Variants in CARS2 observed in about 807,000 individuals in gnomAD.
CARS2 encodes cysteinyl-tRNA synthetase 2, mitochondrial.
Under a neutral mutation model 68.8 loss-of-function variants are expected in CARS2, and 52 were observed. The observed-to-expected ratio is 0.76, with a 90% CI of 0.61 to 0.95. CARS2 has a LOEUF of 0.95. Ranked by LOEUF, CARS2 falls within the 40% of genes least tolerant of loss-of-function variation. The pLI is 0.00. For synonymous variants in CARS2, 314 were observed against 303.6 expected (o/e 1.03, Z -0.36); for missense variants, 780 against 754.2 (o/e 1.03, Z -0.40).
At chr13:110,645,833 T>A (rs574946601) in intron 12 of CARS2, 134 bp downstream of exon 12, 6 of 1,192,002 alleles carry the variant, frequency 5.0e-6, no homozygotes, top group Non-Finnish European at 7.0e-6. Context: ...TCGGGCTCCA[T>A]GAGTTCCTCC....
intron 3 of CARS2, among the ~76,000 whole-genome samples, chr13:110,693,835 C>A (rs993740488): frequency 5.9e-5 from 9 of 151,980 alleles, no homozygotes; most frequent in African/African-American, 1.7e-4. Flanking sequence ...CTCTAACGAT[C>A]GTAAATCATT....
intron 8 of CARS2, 128 bp from the exon 9 acceptor site, chr13:110,663,646 T>C: frequency 1.4e-6 from 2 of 1,432,118 alleles, no homozygotes; most frequent in Non-Finnish European, 1.8e-6. Flanking sequence ...TGTATGTTGG[T>C]ATAAATCTGC....
chr13:110,677,445 C>A (rs573906307), intron 6 of CARS2, among the ~76,000 whole-genome samples: 58 of 148,542 alleles, frequency 3.9e-4, no homozygotes, highest in African/African-American at 1.4e-3. Flanking sequence ...CATGGAAACA[C>A]AATCACCCCA....
intron 8 of CARS2, chr13:110,664,934 T>C (rs2062607989): frequency 6.9e-6 from 6 of 867,680 alleles, no homozygotes; most frequent in Non-Finnish European, 8.3e-6. Context: ...GAGGAATTCA[T>C]TGCTGTTGTT....
chr13:110,691,374 CCA>C (rs1246415942), intron 3 of CARS2, among the ~76,000 whole-genome samples: 2 of 152,086 alleles, frequency 1.3e-5, no homozygotes, highest in Non-Finnish European at 2.9e-5. Flanking sequence ...TTCCATTTTT[CCA>C]CAGTTTTTCA....
intron 3 of CARS2, among the ~76,000 whole-genome samples, chr13:110,693,501 A>T (rs1482959762): frequency 6.6e-6 from 1 of 152,048 alleles, no homozygotes; most frequent in Non-Finnish European, 1.5e-5. Flanking sequence ...CTGGGACTAC[A>T]GGTGCCCGCC....
At chr13:110,652,402 C>T (rs1023112789) in intron 9 of CARS2, among the ~76,000 whole-genome samples, 7 of 152,252 alleles carry the variant, frequency 4.6e-5, no homozygotes, top group South Asian at 2.1e-4. Context: ...CAGTCTAAGG[C>T]CGTGCTGCTC....
chr13:110,713,486 C>G, exon 1 of CARS2: 1 of 987,882 alleles, frequency 1.0e-6, no homozygotes, highest in Non-Finnish European at 1.2e-6. Flanking sequence ...GCGGCCCTGA[C>G]GCTGTCCCCT....
At chr13:110,693,355 G>A (rs2139888876) in intron 3 of CARS2, among the ~76,000 whole-genome samples, 1 of 151,992 alleles carries the variant, frequency 6.6e-6, no homozygotes, top group South Asian at 2.1e-4. Flanking sequence ...GTGCTGGGGA[G>A]AGAAAACTTA....
chr13:110,705,907 C>G lies in CARS2; in HGVS notation c.187G>C (p.Glu63Gln). Residue 63 changes from glutamate (E) to glutamine (Q), a missense_variant, in exon 1 of 15, where the codon GAA (glutamate) becomes CAA (glutamine). Transcript: ENST00000257347. The surrounding 1 kb of genome is among the most constrained non-coding windows in gnomAD (Gnocchi z 4.0). Reference protein sequence around the residue: ...QVYNSLTGRKEPLIVAHAEAA... With the variant: ...QVYNSLTGRKQPLIVAHAEAA... ...TCGGCGTGCGCCACGATTAGGGGTTCCTTCCTCCCGGTGAGGCTGTTGTAC... is the reference window on the plus strand; with the variant it reads ...TCGGCGTGCGCCACGATTAGGGGTTGCTTCCTCCCGGTGAGGCTGTTGTAC... The G allele has an allele frequency of 6.3e-7, 1 of 1,576,610 alleles. No homozygotes were observed.
At chr13:110,689,158 C>T (rs1462100951) in intron 3 of CARS2, among the ~76,000 whole-genome samples, 1 of 152,202 alleles carries the variant, frequency 6.6e-6, no homozygotes, top group Non-Finnish European at 1.5e-5. Flanking sequence ...CATGTTATTT[C>T]ATAATTTCAA....
At chr13:110,700,668 G>GGTT (rs570454676) in intron 3 of CARS2, among the ~76,000 whole-genome samples, 71 of 152,324 alleles carry the variant, frequency 4.7e-4, no homozygotes, top group African/African-American at 1.7e-3. Context: ...CAGCACACAG[G>GGTT]GTTGTTCTGA....
chr13:110,665,929 A>G lies in CARS2; in HGVS notation c.919+1411T>C. On this transcript the variant is annotated intron_variant, in intron 8 of 14. Coordinates refer to ENST00000257347, the MANE Select transcript of CARS2 (RefSeq NM_024537.4). The surrounding 1 kb of genome is among the most constrained non-coding windows in gnomAD (Gnocchi z 4.3). Reference sequence around the variant, plus strand: ...GTTAATTTCCTGTATTTCAGATGTCAAAGTTTGCATCTCCAAATCTATCAC... The same window carrying G: ...GTTAATTTCCTGTATTTCAGATGTCGAAGTTTGCATCTCCAAATCTATCAC... 1.0e-6 allele frequency: 1 copy of G among 985,378 alleles called. No individual in the cohort carries two copies. Among genetic ancestry groups the G allele is most frequent in the Non-Finnish European group, 1.2e-6 (1 of 829,922 alleles). 61.0% of individuals were successfully genotyped at this position (985,378 alleles called of 1,614,324 possible).
At chr13:110,697,243 G>T (rs6492299) in intron 3 of CARS2, among the ~76,000 whole-genome samples, 150,495 of 152,318 alleles carry the variant, frequency 0.99, 74,369 homozygotes, top group Middle Eastern at 1. Context: ...CTGGTGACTA[G>T]ACATTCACGC....
At chr13:110,690,500 C>G (rs1413588680) in intron 3 of CARS2, among the ~76,000 whole-genome samples, 1 of 152,198 alleles carries the variant, frequency 6.6e-6, no homozygotes, top group Admixed American at 6.5e-5. Flanking sequence ...CACACAGAAT[C>G]CTGGGGGTCC....
rs1444656309 is a variant in CARS2 at position 110,706,079 on chromosome 13, C to T, written c.15G>A (p.Thr5=). The T allele has an allele frequency of 7.5e-7, 1 of 1,335,180 alleles. No homozygotes were observed. Among genetic ancestry groups the T allele is most frequent in the Admixed American group, 3.5e-5 (1 of 28,788 alleles). The allele number at this position is 1,335,180 out of a possible 1,614,324, so 82.7% of individuals were successfully genotyped here. The change falls in exon 1 of 15, where the codon ACG becomes ACA. Residue 5 remains threonine, a synonymous_variant. Coordinates refer to ENST00000257347, the MANE Select transcript of CARS2 (RefSeq NM_024537.4). MLRT[T]RGPGLGPPLL... ...GCGGGGGGCCCAGGCCTGGGCCGCGCGTAGTCCTCAACATGTCAGCGGCCA... is the reference window on the plus strand; with the variant it reads ...GCGGGGGGCCCAGGCCTGGGCCGCGTGTAGTCCTCAACATGTCAGCGGCCA...
intron 11 of CARS2, chr13:110,646,303 C>G (rs1394507078): frequency 3.9e-6 from 2 of 515,380 alleles, no homozygotes; most frequent in Non-Finnish European, 6.7e-6. Context: ...AGTCCCAGAG[C>G]AGAGGTCACC....
rs1448830830 is a variant in CARS2, at chr13:110,668,913, A to G, written c.786-1440T>C. Among the ~76,000 whole-genome samples the G allele has an allele frequency of 1.9e-4, 29 of 152,238 alleles. No homozygotes were observed. Among genetic ancestry groups the G allele is most frequent in the Admixed American group, 1.9e-3 (29 of 15,288 alleles). On this transcript the variant is annotated intron_variant, in intron 7 of 14. Transcript: ENST00000257347. This position sits in a 1 kb window ranked among gnomAD's most constrained non-coding sequence, Gnocchi z 4.1. ...TAACATTACATTTGAAACTCACTAA[A>G]TGTTTTCTACCTGCTTTAGAGAAAT...
upstream of CARS2, chr13:110,706,151 G>C (rs879553214): frequency 6.2e-4 from 750 of 1,210,244 alleles, 3 homozygotes; most frequent in South Asian, 1.2e-3. Context: ...GTACGCTGCC[G>C]GTCGCTCAAG....
Sources: gnomAD v4.1 joint callset for allele counts (sites outside exome capture counted in the v4.1 genomes callset) on GRCh38, gnomAD v4.1.1 for gene constraint, Gnocchi (gnomAD v3.1) non-coding constraint, MANE v1.5 for transcripts, NCBI Gene and HGNC (gene_info 2026-07-23, HGNC 2026-07-21) for gene names.